CPLANE1: variants seen among roughly 807,000 people sequenced by gnomAD.
The protein encoded by CPLANE1 is ciliogenesis and planar polarity effector complex subunit 1, also known as ciliogenesis and planar polarity effector 1.
A neutral mutation model predicts 362.5 loss-of-function variants in CPLANE1; 263 were observed. That is an observed-to-expected ratio of 0.73 (90% CI 0.66 to 0.80). CPLANE1 has a LOEUF of 0.80. Among genes scored for constraint, CPLANE1 ranks in the 30% least tolerant of loss-of-function variants. The pLI is 0.00. For synonymous variants in CPLANE1, 1,212 were observed against 1,302.6 expected, an observed-to-expected ratio of 0.93 and a Z score of 1.50; for missense variants, 3,461 against 3,793.4, an observed-to-expected ratio of 0.91 and a Z score of 2.30.
intron 32 of CPLANE1, among the ~76,000 whole-genome samples, chr5:37,170,675 C>T (rs1278161434): frequency 2.0e-5 from 3 of 152,134 alleles, no homozygotes; most frequent in African/African-American, 2.4e-5. Flanking sequence ...CAGTGGCTCA[C>T]GCCTGTAATC....
intron 9 of CPLANE1, among the ~76,000 whole-genome samples, chr5:37,229,403 G>A (rs886220953): frequency 1.2e-4 from 18 of 151,726 alleles, no homozygotes; most frequent in Non-Finnish European, 1.5e-5. Context: ...GCTGGGCGTG[G>A]TGGCGGGCGC....
intron 46 of CPLANE1, among the ~76,000 whole-genome samples, chr5:37,132,875 TAA>T (rs1248114032): frequency 9.2e-5 from 14 of 152,346 alleles, no homozygotes; most frequent in Non-Finnish European, 1.5e-5. Flanking sequence ...TGGTATTTCC[TAA>T]GTTTCTTCTA....
intron 21 of CPLANE1, among the ~76,000 whole-genome samples, chr5:37,188,881 G>A (rs764062348): frequency 1.4e-4 from 21 of 151,642 alleles, no homozygotes; most frequent in Admixed American, 2.0e-4. Context: ...TTTTTGAGAC[G>A]GAGTCTTGCT....
At position 37,224,532 on chromosome 5, in the gene CPLANE1, C is replaced by T. The variant is rs1410964430; in HGVS notation, c.2500G>A (p.Gly834Arg). 2 of 1,537,626 alleles carry T rather than the reference C, an allele frequency of 1.3e-6. No individual in the cohort carries two copies. The highest frequency in any genetic ancestry group is 1.8e-6 in the Non-Finnish European group (2 of 1,134,718). Residue 834 changes from glycine (G) to arginine (R), a missense_variant and splice_region_variant, in exon 13 of 53, where the codon GGG (glycine) becomes AGG (arginine). Physicochemically the swap from Gly to Arg is moderately radical, Grantham distance 125. Around this residue, in one of 2 missense-constraint regions of CPLANE1, gnomAD observed 3,380 missense variants for 3,666.1 expected, o/e 0.92. Coordinates refer to ENST00000651892, the MANE Select transcript of CPLANE1 (RefSeq NM_001384732.1). ...NQTLELKSIN[G>R]EECFLLGSYE... Reference sequence around the variant, plus strand: ...TAGAAAATATTCATAAGATACTGACCATTGATAGATTTAAGTTCTAAGGTT... The same window carrying T: ...TAGAAAATATTCATAAGATACTGACTATTGATAGATTTAAGTTCTAAGGTT...
the CPLANE1 span, among the ~76,000 whole-genome samples, chr5:37,087,698 C>T: frequency 6.6e-6 from 1 of 152,184 alleles, no homozygotes. Flanking sequence ...CCTCGTGATC[C>T]ACCCGCCTCA....
intron 46 of CPLANE1, among the ~76,000 whole-genome samples, chr5:37,131,689 C>T (rs527652899): frequency 4.5e-4 from 68 of 152,242 alleles, no homozygotes; most frequent in African/African-American, 1.6e-3. Flanking sequence ...CACTACCACA[C>T]CCAGCTAATT....
At chr5:37,154,049 TTGA>T in intron 41 of CPLANE1, 56 bp from the exon 42 acceptor site, 1 of 1,453,448 alleles carries the variant, frequency 6.9e-7, no homozygotes. Flanking sequence ...AGAGGTATTA[TTGA>T]TGATCTCATT....
chr5:37,086,368 G>A, the CPLANE1 span, among the ~76,000 whole-genome samples: 1 of 152,154 alleles, frequency 6.6e-6, no homozygotes, highest in South Asian at 2.1e-4. Flanking sequence ...AGACCACAGT[G>A]GAATAAAACT....
At chr5:37,199,071 T>C (rs1261935706) in intron 19 of CPLANE1, among the ~76,000 whole-genome samples, 1 of 119,624 alleles carries the variant, frequency 8.4e-6, no homozygotes. Flanking sequence ...CACTCAAGCC[T>C]GGGCCACACA....
intron 51 of CPLANE1, 51 bp from the exon 52 acceptor site, chr5:37,108,522 T>G (rs1758214363): frequency 6.7e-7 from 1 of 1,496,938 alleles, no homozygotes; most frequent in Non-Finnish European, 9.1e-7. Flanking sequence ...CATTCATTCA[T>G]TCATTCATTT....
chr5:37,241,370 G>C (rs918074350), intron 6 of CPLANE1, among the ~76,000 whole-genome samples: 1 of 151,978 alleles, frequency 6.6e-6, no homozygotes, highest in Admixed American at 6.6e-5. Context: ...CAGGAGAATC[G>C]CTTGAACCTG....
chr5:37,221,276 G>T (rs1234184016), intron 15 of CPLANE1, 48 bp downstream of exon 15: 7 of 1,307,560 alleles, frequency 5.4e-6, no homozygotes, highest in Non-Finnish European at 7.2e-6. Flanking sequence ...AACATAGGGA[G>T]ACCCTGTCTC....
chr5:37,128,179 G>C (rs1253096703), intron 46 of CPLANE1, among the ~76,000 whole-genome samples: 1 of 152,168 alleles, frequency 6.6e-6, no homozygotes, highest in Non-Finnish European at 1.5e-5. Flanking sequence ...GCTAATTTTT[G>C]TATTTTTGGT....
chr5:37,208,078 G>A (rs73095755), intron 16 of CPLANE1, among the ~76,000 whole-genome samples: 1 of 152,188 alleles, frequency 6.6e-6, no homozygotes, highest in African/African-American at 2.4e-5. Context: ...CCTCCCAAGT[G>A]ACTGGGAATC....
chr5:37,170,502 G>T (rs540889712), intron 32 of CPLANE1, among the ~76,000 whole-genome samples, 171 bp from the exon 33 acceptor site: 3 of 150,674 alleles, frequency 2.0e-5, no homozygotes, highest in Non-Finnish European at 1.5e-5. Flanking sequence ...TTTTTTAAAG[G>T]GAGAGGAAAA....
At chr5:37,196,938 GAA>G (rs925391909) in intron 20 of CPLANE1, among the ~76,000 whole-genome samples, 33 of 139,976 alleles carry the variant, frequency 2.4e-4, no homozygotes, top group Non-Finnish European at 4.4e-4. Context: ...AAGAAAAAAG[GAA>G]AAAAAAAAAG....
chr5:37,087,207 T>G, the CPLANE1 span, among the ~76,000 whole-genome samples: 2 of 152,106 alleles, frequency 1.3e-5, no homozygotes, highest in Admixed American at 6.6e-5. Flanking sequence ...GGGAGAAATC[T>G]TGAACAGCAT....
chr5:37,079,292 C>T, the CPLANE1 span, among the ~76,000 whole-genome samples: 23,431 of 152,078 alleles, frequency 0.15, 2,007 homozygotes, highest in Admixed American at 0.2. Context: ...TCTCCCAGCA[C>T]CATTGATTAA....
Position 37,221,327 on chromosome 5 carries a change from A to T in CPLANE1, c.2743T>A (p.Ser915Thr). Residue 915 changes from serine (S) to threonine (T), a missense_variant, in exon 15 of 53, where the codon TCA becomes ACA. This residue lies in a region of CPLANE1 where 3,380 missense variants were observed against 3,666.1 expected (regional missense o/e 0.92). Transcript: ENST00000651892. Reference sequence around the variant, plus strand: ...AGAAAGAAAAAAAAAAGCATACCTGAAAAATCTTTATTTTCTTTTACAGGT... The same window carrying T: ...AGAAAGAAAAAAAAAAGCATACCTGTAAAATCTTTATTTTCTTTTACAGGT... Reference protein sequence around the residue: ...QLPVKENKDFSGAAKSHFECG... With the variant: ...QLPVKENKDFTGAAKSHFECG... 6.7e-7 allele frequency: 1 copy of T among 1,492,648 alleles called. No individual in the cohort carries two copies. 92.5% of individuals were successfully genotyped at this position (1,492,648 alleles called of 1,614,324 possible).
Sources: allele counts gnomAD v4.1 joint callset (sites outside exome capture counted in the v4.1 genomes callset), GRCh38; gene constraint gnomAD v4.1.1; regional missense constraint gnomAD v4.1.1; transcripts MANE v1.5; gene names NCBI Gene and HGNC (gene_info 2026-07-23, HGNC 2026-07-21).